The following PDGFRB variants were observed in gnomAD, a reference collection of about 807,000 sequenced individuals.
PDGFRB encodes platelet-derived growth factor receptor beta.
Under a neutral mutation model 120.2 loss-of-function variants are expected in PDGFRB, and 42 were observed. That is an observed-to-expected ratio of 0.35 (90% CI 0.27 to 0.45). The LOEUF is 0.45. PDGFRB is among the 20% of genes least tolerant of loss of function. The pLI, the probability that PDGFRB is intolerant of heterozygous loss-of-function variation, is 1.00. For synonymous variants in PDGFRB, 586 were observed against 606.8 expected (o/e 0.97, Z 0.50); for missense variants, 1,149 against 1,476.3 (o/e 0.78, Z 3.63).
At chr5:150,134,292 G>A (rs1474503937) in intron 4 of PDGFRB, among the ~76,000 whole-genome samples, 1 of 152,188 alleles carries the variant, frequency 6.6e-6, no homozygotes, top group Non-Finnish European at 1.5e-5. Context: ...CTATGTACAG[G>A]AGAAATGTAT....
At chr5:150,147,370 G>T (rs377460193) in intron 1 of PDGFRB, among the ~76,000 whole-genome samples, 1 of 152,212 alleles carries the variant, frequency 6.6e-6, no homozygotes, top group Non-Finnish European at 1.5e-5. Flanking sequence ...GACTGAGGAG[G>T]GGGGTGCGGC....
At chr5:150,144,665 C>T (rs554260937) in intron 1 of PDGFRB, among the ~76,000 whole-genome samples, 4 of 152,168 alleles carry the variant, frequency 2.6e-5, no homozygotes, top group African/African-American at 7.2e-5. Context: ...TGGAACAGTG[C>T]GTGGGAAAGC....
In PDGFRB at chr5:150,117,732, A is replaced by G. The variant is rs948119310; in HGVS notation, c.3023T>C (p.Leu1008Pro). Reference protein sequence around the residue: ...LRSPLDTSSVLYTAVQPNEGD... With the variant: ...LRSPLDTSSVPYTAVQPNEGD... ...CTCATTGGGCTGCACGGCAGTATAG[A>G]GGACGGAGCTGGTGTCCAGGGGAGA... is the stretch of plus-strand genomic sequence containing the variant. Residue 1008 changes from leucine (L) to proline (P), a missense_variant, in exon 22 of 23, where the codon CTC (leucine) becomes CCC (proline). By Grantham distance (98) the Leu-to-Pro change is moderately conservative. This residue lies in a region of PDGFRB where 202 missense variants were observed against 214.3 expected (regional missense o/e 0.94). Coordinates refer to ENST00000261799, the MANE Select transcript of PDGFRB (RefSeq NM_002609.4). 4.3e-6 allele frequency: 7 copies of G among 1,613,556 alleles called. No individual in the cohort carries two copies. In the African/African-American group the frequency reaches 6.7e-5, roughly 15 times the overall value.
intron 14 of PDGFRB, 131 bp from the exon 15 acceptor site, chr5:150,123,332 C>G: frequency 1.5e-6 from 1 of 659,332 alleles, no homozygotes; most frequent in Non-Finnish European, 2.6e-6. Flanking sequence ...TAGTGCCTTG[C>G]AAATCTGGAT....
intron 1 of PDGFRB, chr5:150,153,497 G>A (rs191104605): frequency 6.6e-6 from 1 of 152,314 alleles, no homozygotes; most frequent in East Asian, 1.9e-4. Context: ...TCACCGTATG[G>A]CCCTGGGAAA....
chr5:150,116,971 C>T (rs961934718), intron 22 of PDGFRB, among the ~76,000 whole-genome samples: 4 of 152,216 alleles, frequency 2.6e-5, no homozygotes, highest in African/African-American at 7.2e-5. Flanking sequence ...CTGGATCTCG[C>T]TTTGGAGGTG....
At chr5:150,129,032 A>C (rs916793099) in intron 10 of PDGFRB, among the ~76,000 whole-genome samples, 9 of 152,356 alleles carry the variant, frequency 5.9e-5, no homozygotes, top group African/African-American at 2.2e-4. Context: ...ATACGCACAG[A>C]AATTACACGT....
intron 14 of PDGFRB, among the ~76,000 whole-genome samples, chr5:150,123,884 A>G (rs1343341240): frequency 6.6e-6 from 1 of 152,226 alleles, no homozygotes; most frequent in Non-Finnish European, 1.5e-5. Context: ...AAATGAAGGT[A>G]GCTCCCAAGT....
At chr5:150,153,224 A>G (rs1332294491) in intron 1 of PDGFRB, among the ~76,000 whole-genome samples, 1 of 152,200 alleles carries the variant, frequency 6.6e-6, no homozygotes, top group Non-Finnish European at 1.5e-5. Context: ...TTCTTCCCGC[A>G]GAGGAGGGGG....
At chr5:150,118,877 G>A (rs1465649464) in intron 20 of PDGFRB, 25 bp from the exon 21 acceptor site, 2 of 1,466,694 alleles carry the variant, frequency 1.4e-6, no homozygotes, top group Non-Finnish European at 9.5e-7. Flanking sequence ...AAGGGTCAGG[G>A]CCTCTGGCCC....
chr5:150,145,268 T>C lies in PDGFRB; in HGVS notation c.-6-8215A>G, dbSNP rs149998000. The stretch of plus-strand genomic sequence containing the variant: ...TATTGTAAGAACATAGTATATAATA[T>C]ACATAACAGACAAAATATGTGTTAA... On this transcript the variant is annotated intron_variant, in intron 1 of 22. Coordinates refer to ENST00000261799, the MANE Select transcript of PDGFRB (RefSeq NM_002609.4). Among the ~76,000 whole-genome samples, 11 of 152,388 alleles carry C rather than the reference T, an allele frequency of 7.2e-5. No homozygotes were observed. The East Asian group carries it at 1.7e-3, about 24-fold the overall frequency.
rs771495154 is a variant in PDGFRB, at chr5:150,120,966, T to C, written c.2508A>G (p.Glu836=). ...AGTCACAGATCTTGACCAGCTTGCC[T>C]TCACAGATGAGCACGTTCCTAGCCG... The part of the protein sequence containing the change: ...DLAARNVLIC[E]GKLVKICDFG... Residue 836 remains glutamate, a synonymous_variant, in exon 18 of 23, where the codon GAA becomes GAG. Coordinates refer to ENST00000261799, the MANE Select transcript of PDGFRB (RefSeq NM_002609.4). This position sits in a 1 kb window ranked among gnomAD's most constrained non-coding sequence, Gnocchi z 4.3. 1.2e-6 allele frequency: 2 copies of C among 1,613,756 alleles called. No homozygotes were observed. The highest frequency in any genetic ancestry group is 1.7e-6 in the Non-Finnish European group (2 of 1,179,840).
chr5:150,132,940 T>A lies in PDGFRB; in HGVS notation c.937A>T (p.Ser313Cys). 4.5e-6 allele frequency: 7 copies of A among 1,557,118 alleles called. No individual in the cohort carries two copies. The highest frequency in any genetic ancestry group is 6.1e-6 in the Non-Finnish European group (7 of 1,151,178). ...EKAINITVVE[S>C]GYVRLLGEVG... ...TCTCCCAGGAGCCGCACGTAGCCGC[T>A]CTCTGCAAGGGGTGACCGTCAGGGG... The change falls in exon 7 of 23, where the codon AGC becomes TGC. Residue 313 changes from serine (S) to cysteine (C), a missense_variant and splice_region_variant. Around this residue, in one of 3 missense-constraint regions of PDGFRB, gnomAD observed 879 missense variants for 1,108.6 expected, o/e 0.79. Coordinates refer to ENST00000261799, the MANE Select transcript of PDGFRB (RefSeq NM_002609.4). The surrounding 1 kb of genome is among the most constrained non-coding windows in gnomAD (Gnocchi z 5.0).
At chr5:150,148,527 G>A (rs1562029346) in intron 1 of PDGFRB, among the ~76,000 whole-genome samples, 1 of 152,266 alleles carries the variant, frequency 6.6e-6, no homozygotes. Flanking sequence ...AAGCCAACAG[G>A]CTGCGCCTGA....
rs532419001 is a variant in PDGFRB, at chr5:150,130,465, G to A, written c.1367+74C>T. The A allele has an allele frequency of 3.7e-5, 53 of 1,422,714 alleles. No individual in the cohort carries two copies. The East Asian group carries it at 6.4e-4, about 17-fold the overall frequency. 88.1% of individuals were successfully genotyped at this position (1,422,714 alleles called of 1,614,324 possible). ...GAACAATATGCCAAGAAGAACGGGC[G>A]GGACTAGATAACCTTCACGAGCTTT... On this transcript the variant is annotated intron_variant, in intron 9 of 22. Coordinates refer to ENST00000261799, the MANE Select transcript of PDGFRB (RefSeq NM_002609.4).
chr5:150,129,094 G>C (rs900761012), intron 10 of PDGFRB, among the ~76,000 whole-genome samples: 3 of 152,188 alleles, frequency 2.0e-5, no homozygotes, highest in African/African-American at 7.2e-5. Context: ...CATGTGTACG[G>C]GAATTATGCT....
At chr5:150,137,244 T>G (rs1461746195) in intron 1 of PDGFRB, 191 bp from the exon 2 acceptor site, 1 of 559,390 alleles carries the variant, frequency 1.8e-6, no homozygotes, top group African/African-American at 1.9e-5. Context: ...CTCCTCTCCA[T>G]CCCGGACTTA....
chr5:150,155,792 G>C lies in PDGFRB; in HGVS notation c.-402C>G. On this transcript the variant is annotated 5_prime_UTR_variant, in exon 1 of 23. Transcript: ENST00000261799. ...TTGATCTCCTCTCTGGCTCCAAGTT[G>C]CTCACAGAGCGATCCTGGGTCCCAG... The C allele has an allele frequency of 1.0e-5, 4 of 398,052 alleles. No individual in the cohort carries two copies. Among genetic ancestry groups the C allele is most frequent in the Non-Finnish European group, 1.8e-5 (4 of 225,946 alleles). 24.7% of individuals were successfully genotyped at this position (398,052 alleles called of 1,614,324 possible). A position where few individuals can be genotyped will look rare whatever the true frequency, so the allele number is the denominator to read the frequency against.
chr5:150,115,608 G>T lies in PDGFRB; in HGVS notation c.*155C>A. The T allele has an allele frequency of 6.1e-6, 4 of 654,964 alleles. No individual in the cohort carries two copies. 40.6% of individuals were successfully genotyped at this position (654,964 alleles called of 1,614,324 possible). ...TCTTGCCTCCTAAGCCAGCCCCAGG[G>T]TTTGGGGCACAACACGTCAGGAGCA... is the stretch of plus-strand genomic sequence containing the variant. On this transcript the variant is annotated 3_prime_UTR_variant, in exon 23 of 23. Transcript: ENST00000261799.
Sources: allele counts gnomAD v4.1 joint callset (sites outside exome capture counted in the v4.1 genomes callset), GRCh38; gene constraint gnomAD v4.1.1; regional missense constraint gnomAD v4.1.1; non-coding constraint Gnocchi (gnomAD v3.1); transcripts MANE v1.5; gene names NCBI Gene and HGNC (gene_info 2026-07-23, HGNC 2026-07-21).